Variants in PGBD5 observed in about 807,000 individuals in gnomAD.
PGBD5 encodes the protein piggyBac transposable element derived 5, also known as piggyBac transposable element-derived protein 5.
Under a neutral mutation model 47.9 loss-of-function variants are expected in PGBD5, and 14 were observed. The observed-to-expected ratio is 0.29, with a 90% CI of 0.19 to 0.46. PGBD5 has a LOEUF of 0.46. Ranked by LOEUF, PGBD5 falls within the 20% of genes least tolerant of loss-of-function variation. PGBD5 has a pLI of 1.00. For missense variants in PGBD5, 635 were observed against 716.0 expected (o/e 0.89, Z 1.29); for synonymous variants, 316 against 306.3 (o/e 1.03, Z -0.33).
chr1:230,423,820 G>A (rs770598316), intron 1 of PGBD5, among the ~76,000 whole-genome samples: 3 of 152,208 alleles, frequency 2.0e-5, no homozygotes, highest in Admixed American at 1.3e-4. Context: ...TTCGGTCCAG[G>A]TGTGAACTCA....
In PGBD5 at chr1:230,322,440, T is replaced by G. The variant is rs1234404166; in HGVS notation, c.*985A>C. ...ATGAGCAAATGGCCATCGTAGAGAA[T>G]TCGGTTGTGTGTTTCAGCAATGCTA... On this transcript the variant is annotated 3_prime_UTR_variant, in exon 7 of 7. Coordinates refer to ENST00000391860, the MANE Select transcript of PGBD5 (RefSeq NM_001258311.2). The surrounding 1 kb of genome is among the most constrained non-coding windows in gnomAD (Gnocchi z 5.9). 1 of 152,240 alleles carries G rather than the reference T, an allele frequency of 6.6e-6. No individual in the cohort carries two copies. Among genetic ancestry groups the G allele is most frequent in the Admixed American group, 6.5e-5 (1 of 15,278 alleles). 9.4% of individuals were successfully genotyped at this position (152,240 alleles called of 1,614,324 possible).
chr1:230,349,208 C>T (rs1050061822), intron 3 of PGBD5, among the ~76,000 whole-genome samples: 3 of 152,094 alleles, frequency 2.0e-5, no homozygotes, highest in African/African-American at 7.2e-5. Context: ...CAGATGCACA[C>T]AGGATCCGCA....
At chr1:230,383,493 T>C (rs1571850920) in intron 1 of PGBD5, among the ~76,000 whole-genome samples, 2 of 152,086 alleles carry the variant, frequency 1.3e-5, no homozygotes, top group South Asian at 4.2e-4. Flanking sequence ...GCCTCCTAAA[T>C]AGCTGGGATT....
rs78168581 is a variant in PGBD5 at position 230,326,459 on chromosome 1, A to G, written c.1274-1044T>C. On this transcript the variant is annotated intron_variant, in intron 5 of 6. Coordinates refer to ENST00000391860, the MANE Select transcript of PGBD5 (RefSeq NM_001258311.2). ...AATAAAAAAGCAAAAGGGTGGAATT[A>G]TTATCATTATTTTTTTAGATATGAG... Among the ~76,000 whole-genome samples, 595 of 152,256 alleles carry G rather than the reference A, an allele frequency of 3.9e-3. 8 individuals are homozygous for G. In the East Asian group the frequency reaches 0.052, roughly 13 times the overall value.
chr1:230,368,692 C>T (rs982432784), intron 1 of PGBD5, among the ~76,000 whole-genome samples: 2 of 152,218 alleles, frequency 1.3e-5, no homozygotes, highest in African/African-American at 4.8e-5. Context: ...GAAAAAGACA[C>T]AGGGACAGGG....
intron 1 of PGBD5, among the ~76,000 whole-genome samples, chr1:230,398,870 A>G (rs1461754044): frequency 2.0e-5 from 3 of 152,304 alleles, no homozygotes; most frequent in Admixed American, 1.3e-4. Context: ...ATGGGCCAGC[A>G]TGGAGTCCCC....
intron 1 of PGBD5, among the ~76,000 whole-genome samples, chr1:230,400,087 G>A (rs1657097156): frequency 6.6e-6 from 1 of 152,170 alleles, no homozygotes; most frequent in Non-Finnish European, 1.5e-5. Context: ...CAGCCTGCAA[G>A]GCCCTCTGTG....
intron 1 of PGBD5, among the ~76,000 whole-genome samples, chr1:230,394,985 CT>C (rs1656893336): frequency 1.4e-5 from 2 of 144,888 alleles, no homozygotes; most frequent in Admixed American, 1.4e-4. Context: ...ACCTTCCTCC[CT>C]TCCTCTCCTC....
At chr1:230,360,994 C>T (rs1411480416) in intron 1 of PGBD5, among the ~76,000 whole-genome samples, 1 of 152,178 alleles carries the variant, frequency 6.6e-6, no homozygotes, top group African/African-American at 2.4e-5. Context: ...CAAGGGCATC[C>T]ACTCTAAGTG....
In PGBD5 at chr1:230,386,639, T is replaced by C. The variant is rs556681774; in HGVS notation, c.332-29318A>G. Among the ~76,000 whole-genome samples, 3 of 152,372 alleles carry C rather than the reference T, an allele frequency of 2.0e-5. No individual in the cohort carries two copies. In the East Asian group the frequency reaches 5.8e-4, roughly 29 times the overall value. On this transcript the variant is annotated intron_variant, in intron 1 of 6. Transcript: ENST00000391860. ...TGGCTAACTTACCTGAATATTAGTG[T>C]GGTTAATCATAAATTCATTTACTTA... is the stretch of plus-strand genomic sequence containing the variant.
chr1:230,415,217 G>A (rs1657488465), intron 1 of PGBD5, among the ~76,000 whole-genome samples: 1 of 151,802 alleles, frequency 6.6e-6, no homozygotes, highest in South Asian at 2.1e-4. Flanking sequence ...CAAGGCTGCA[G>A]TGAGCTGTGA....
At chr1:230,351,184 G>A (rs1667556072) in intron 2 of PGBD5, 92 bp from the exon 3 acceptor site, 3 of 1,388,334 alleles carry the variant, frequency 2.2e-6, no homozygotes, top group Non-Finnish European at 2.9e-6. Flanking sequence ...CTCTGCATTT[G>A]AGCAGCTCTG....
chr1:230,426,057 G>T lies in PGBD5; in HGVS notation c.-129C>A. ...CGCAGCACAGCGCCCGCCGCCCCGT[G>T]CCCGGCCGGCCCGCCGTCTTGGCCG... On this transcript the variant is annotated 5_prime_UTR_variant, in exon 1 of 7. Transcript: ENST00000391860. The T allele has an allele frequency of 3.1e-6, 1 of 325,208 alleles. No individual in the cohort carries two copies. Among genetic ancestry groups the T allele is most frequent in the Non-Finnish European group, 4.3e-6 (1 of 230,806 alleles). 20.1% of individuals were successfully genotyped at this position (325,208 alleles called of 1,614,324 possible).
intron 1 of PGBD5, among the ~76,000 whole-genome samples, chr1:230,392,408 A>C (rs1187956910): frequency 1.3e-5 from 2 of 152,252 alleles, no homozygotes; most frequent in Admixed American, 1.3e-4. Flanking sequence ...GATGAGCCCC[A>C]GGCTTTGATG....
At chr1:230,333,561 T>C (rs1667256882) in intron 4 of PGBD5, among the ~76,000 whole-genome samples, 1 of 152,154 alleles carries the variant, frequency 6.6e-6, no homozygotes, top group Non-Finnish European at 1.5e-5. Context: ...CACGGTTACA[T>C]CATCCTAATG....
At chr1:230,362,842 A>G (rs534764251) in intron 1 of PGBD5, among the ~76,000 whole-genome samples, 37 of 152,154 alleles carry the variant, frequency 2.4e-4, no homozygotes, top group Middle Eastern at 3.4e-3. Flanking sequence ...TTGGGTCTCT[A>G]TGGCAACAGT....
chr1:230,350,210 C>T (rs898488740), intron 3 of PGBD5, among the ~76,000 whole-genome samples: 4 of 152,252 alleles, frequency 2.6e-5, no homozygotes, highest in African/African-American at 7.2e-5. Flanking sequence ...CTGCGCAGCA[C>T]GCATGAAAAA....
In PGBD5 at chr1:230,413,524, A is replaced by G. The variant is rs563624860; in HGVS notation, c.331+12074T>C. Among the ~76,000 whole-genome samples the G allele has an allele frequency of 2.4e-3, 362 of 152,252 alleles. 2 individuals are homozygous for G. The highest frequency in any genetic ancestry group is 8.1e-3 in the African/African-American group (338 of 41,534). ...CTCATAAAAGGGCGGGGAGGGGAAG[A>G]GAGGGAGGATGTGCAAAAACAGACA... is the stretch of plus-strand genomic sequence containing the variant. On this transcript the variant is annotated intron_variant, in intron 1 of 6. Transcript: ENST00000391860.
intron 1 of PGBD5, among the ~76,000 whole-genome samples, chr1:230,360,774 T>G (rs1315404848): frequency 1.3e-5 from 2 of 152,202 alleles, no homozygotes; most frequent in Non-Finnish European, 2.9e-5. Context: ...GAGAACGGAC[T>G]AATACAGTTA....
Sources: allele counts gnomAD v4.1 joint callset (sites outside exome capture counted in the v4.1 genomes callset), GRCh38; gene constraint gnomAD v4.1.1; non-coding constraint Gnocchi (gnomAD v3.1); transcripts MANE v1.5; gene names NCBI Gene and HGNC (gene_info 2026-07-23, HGNC 2026-07-21).